The following XIAP variants were observed in gnomAD, a reference collection of about 807,000 sequenced individuals.
XIAP encodes the protein X-linked inhibitor of apoptosis.
A neutral mutation model predicts 33.1 loss-of-function variants in XIAP; 3 were observed. The ratio of observed to expected loss-of-function variants is 0.09; its 90% CI spans 0.04 to 0.23. The LOEUF (loss-of-function observed/expected upper bound fraction) is 0.23. Ranked by LOEUF, XIAP falls within the 10% of genes least tolerant of loss-of-function variation. The pLI is 1.00. For missense variants in XIAP, 264 were observed against 363.0 expected (o/e 0.73, Z 2.22); for synonymous variants, 98 against 121.3 (o/e 0.81, Z 1.26).
chrX:123,883,343 C>T (rs1265047531), intron 1 of XIAP, among the ~76,000 whole-genome samples: 1 of 111,168 alleles, frequency 9.0e-6, no homozygotes, highest in Non-Finnish European at 1.9e-5. Flanking sequence ...CTTGGCCTCC[C>T]AAAGTGCTGA....
intron 1 of XIAP, among the ~76,000 whole-genome samples, chrX:123,861,405 A>G (rs1282683959): frequency 9.0e-6 from 1 of 111,559 alleles, no homozygotes; most frequent in African/African-American, 3.3e-5. Context: ...TGTATTTAAC[A>G]TGCTTATGGA....
At chrX:123,898,842 C>T (rs748033470) in intron 5 of XIAP, among the ~76,000 whole-genome samples, 10 of 103,799 alleles carry the variant, frequency 9.6e-5, no homozygotes, top group African/African-American at 3.1e-4. Flanking sequence ...ATACAGTAGC[C>T]GGGCGCAGTG....
At chrX:123,868,021 T>G (rs1158898635) in intron 1 of XIAP, among the ~76,000 whole-genome samples, 1 of 111,674 alleles carries the variant, frequency 9.0e-6, no homozygotes, top group Admixed American at 9.7e-5. Flanking sequence ...TGTATTATTT[T>G]ATACTGCACT....
intron 5 of XIAP, among the ~76,000 whole-genome samples, chrX:123,895,661 T>G (rs2053452558): frequency 8.9e-6 from 1 of 112,025 alleles, no homozygotes; most frequent in Admixed American, 9.5e-5. Context: ...TCATTGTGGT[T>G]TTGTTTTGCA....
chrX:123,865,063 A>G (rs751789505), intron 1 of XIAP, among the ~76,000 whole-genome samples: 1 of 88,843 alleles, frequency 1.1e-5, no homozygotes, highest in South Asian at 5.2e-4. Flanking sequence ...TTGTTTTTCC[A>G]TTGTTCTTTT....
chrX:123,875,366 A>G lies in XIAP; in HGVS notation c.-32-10265A>G, dbSNP rs181428561. ...TTTATTTTTTTGAGAATATGTTTAG[A>G]ACTAGAATGGATGGTTCAAGAGATA... On this transcript the variant is annotated intron_variant, in intron 1 of 6. Coordinates refer to ENST00000371199, the MANE Select transcript of XIAP (RefSeq NM_001167.4). 4.5e-5 allele frequency among the ~76,000 whole-genome samples: 5 copies of G among 111,163 alleles called. No homozygotes were observed. In the Admixed American group the frequency reaches 4.8e-4, roughly 11 times the overall value.
At chrX:123,871,697 A>T (rs5958324) in intron 1 of XIAP, among the ~76,000 whole-genome samples, 41,939 of 108,411 alleles carry the variant, frequency 0.39, 6,230 homozygotes, top group African/African-American at 0.49. Context: ...GGGTCTACCT[A>T]TGTTTCCCAA....
Position 123,875,651 on chromosome X carries a change from G to A in XIAP, c.-32-9980G>A, listed in dbSNP as rs186548399. Among the ~76,000 whole-genome samples the A allele has an allele frequency of 7.0e-3, 770 of 110,026 alleles. 2 individuals are homozygous for A. The highest frequency in any genetic ancestry group is 0.012 in the Non-Finnish European group (637 of 52,699). The stretch of plus-strand genomic sequence containing the variant: ...ATTAATATTTCCCACTTGTAAATTT[G>A]CCTGTTTTCTATCAACGTATTAATC... On this transcript the variant is annotated intron_variant, in intron 1 of 6. Coordinates refer to ENST00000371199, the MANE Select transcript of XIAP (RefSeq NM_001167.4).
At chrX:123,905,022 T>G (rs1212309607) in intron 6 of XIAP, among the ~76,000 whole-genome samples, 1 of 111,936 alleles carries the variant, frequency 8.9e-6, no homozygotes, top group Non-Finnish European at 1.9e-5. Flanking sequence ...TCTTCTTATC[T>G]CTGATGCATT....
intron 5 of XIAP, among the ~76,000 whole-genome samples, chrX:123,895,311 A>G (rs2053450155): frequency 1.8e-5 from 2 of 112,499 alleles, no homozygotes; most frequent in South Asian, 3.6e-4. Context: ...AAAAGAGTCC[A>G]TTGTATAAAT....
intron 5 of XIAP, among the ~76,000 whole-genome samples, chrX:123,899,145 ATATAT>A (rs1157090127): frequency 9.4e-5 from 4 of 42,625 alleles, no homozygotes; most frequent in South Asian, 1.6e-3. Context: ...AAAAAAAAAA[ATATAT>A]ATATATATAT....
chrX:123,886,240 G>T lies in XIAP; in HGVS notation c.578G>T (p.Gly193Val). Reference sequence around the variant, plus strand: ...GCAAGTGCTGGACTCTACTACACAGGTATTGGTGACCAAGTGCAGTGCTTT... The same window carrying T: ...GCAAGTGCTGGACTCTACTACACAGTTATTGGTGACCAAGTGCAGTGCTTT... ...ELASAGLYYT[G>V]IGDQVQCFCC... The change falls in exon 2 of 7, where the codon GGT (glycine) becomes GTT (valine). Residue 193 changes from glycine to valine, a missense_variant. Transcript: ENST00000371199. The T allele has an allele frequency of 8.3e-7, 1 of 1,212,076 alleles. No individual in the cohort carries two copies. Among genetic ancestry groups the T allele is most frequent in the Non-Finnish European group, 1.1e-6 (1 of 895,567 alleles).
chrX:123,897,065 G>C (rs2053467761), intron 5 of XIAP, among the ~76,000 whole-genome samples: 1 of 107,582 alleles, frequency 9.3e-6, no homozygotes, highest in Non-Finnish European at 1.9e-5. Flanking sequence ...CCCAGTAGCT[G>C]GGATTACAGG....
At chrX:123,900,451 T>G in intron 5 of XIAP, 42 bp from the exon 6 acceptor site, 2 of 1,100,346 alleles carry the variant, frequency 1.8e-6, no homozygotes, top group Non-Finnish European at 2.5e-6. Context: ...AAAATAATTG[T>G]TTAAATTCTA....
At chrX:123,877,698 G>A (rs953175221) in intron 1 of XIAP, among the ~76,000 whole-genome samples, 5 of 111,767 alleles carry the variant, frequency 4.5e-5, no homozygotes, top group Admixed American at 1.9e-4. Flanking sequence ...ATATAGCCAC[G>A]CACGGTGGCT....
chrX:123,899,508 C>A, intron 5 of XIAP, among the ~76,000 whole-genome samples: 1 of 108,274 alleles, frequency 9.2e-6, no homozygotes, highest in Middle Eastern at 4.8e-3. Context: ...CTAGAAAGTT[C>A]TTTCATGCTC....
chrX:123,890,312 G>C (rs1301041184), intron 3 of XIAP, among the ~76,000 whole-genome samples: 1 of 105,065 alleles, frequency 9.5e-6, no homozygotes, highest in Non-Finnish European at 2.0e-5. Context: ...CACCGCGCCC[G>C]GCCCAGTTGT....
intron 1 of XIAP, among the ~76,000 whole-genome samples, chrX:123,872,403 G>T (rs191955784): frequency 9.7e-6 from 1 of 103,548 alleles, no homozygotes; most frequent in East Asian, 3.1e-4. Context: ...TTAACAATAA[G>T]TTGGCCGGGT....
At chrX:123,901,202 C>T (rs1197227676) in intron 6 of XIAP, among the ~76,000 whole-genome samples, 5 of 111,731 alleles carry the variant, frequency 4.5e-5, no homozygotes, top group African/African-American at 1.3e-4. Flanking sequence ...GCCTGGACAA[C>T]ATAATGAAAC....
Sources: allele counts gnomAD v4.1 joint callset (sites outside exome capture counted in the v4.1 genomes callset), GRCh38; gene constraint gnomAD v4.1.1; transcripts MANE v1.5; gene names NCBI Gene and HGNC (gene_info 2026-07-23, HGNC 2026-07-21).